Variants in LRRIQ3 observed in about 807,000 individuals in gnomAD.
LRRIQ3 encodes leucine rich repeats and IQ motif containing 3.
A neutral mutation model predicts 59.3 loss-of-function variants in LRRIQ3; 75 were observed. That is an observed-to-expected ratio of 1.26 (90% CI 1.05 to 1.53). The LOEUF is 1.53. Ranked by LOEUF, LRRIQ3 falls within the 40% of genes most tolerant of loss-of-function variation. The pLI is 0.00. For synonymous variants in LRRIQ3, 250 were observed against 231.3 expected, an observed-to-expected ratio of 1.08 and a Z score of -0.73; for missense variants, 831 against 710.0, an observed-to-expected ratio of 1.17 and a Z score of -1.94.
At chr1:74,081,805 G>T (rs1570083824) in intron 5 of LRRIQ3, 1 of 151,284 alleles carries the variant, frequency 6.6e-6, no homozygotes. Flanking sequence ...TTTATCTAAA[G>T]ATCTCATTTT....
chr1:74,027,532 A>G (rs1386211905), intron 7 of LRRIQ3, among the ~76,000 whole-genome samples: 1 of 152,096 alleles, frequency 6.6e-6, no homozygotes, highest in Non-Finnish European at 1.5e-5. Context: ...TCTGCAAGCC[A>G]AGGAGAGAGG....
chr1:74,125,392 G>A (rs1425283626), intron 4 of LRRIQ3, among the ~76,000 whole-genome samples: 1 of 151,906 alleles, frequency 6.6e-6, no homozygotes, highest in Admixed American at 6.6e-5. Flanking sequence ...CAAGTACTAT[G>A]TTGAATAACA....
At chr1:74,101,426 T>A (rs1264132863) in intron 5 of LRRIQ3, among the ~76,000 whole-genome samples, 1 of 152,122 alleles carries the variant, frequency 6.6e-6, no homozygotes, top group Admixed American at 6.6e-5. Context: ...CCAGAGAGGA[T>A]GTGGAGAAAT....
At chr1:74,068,978 C>T (rs768662931) in intron 6 of LRRIQ3, among the ~76,000 whole-genome samples, 6 of 151,924 alleles carry the variant, frequency 3.9e-5, no homozygotes, top group Non-Finnish European at 7.4e-5. Context: ...TTAGAGTATT[C>T]GTTTCAGATA....
At chr1:74,035,341 AT>A (rs1393347049) in intron 7 of LRRIQ3, among the ~76,000 whole-genome samples, 5 of 152,126 alleles carry the variant, frequency 3.3e-5, no homozygotes, top group African/African-American at 1.2e-4. Flanking sequence ...TTGAATTCTC[AT>A]AACTGATTTA....
intron 4 of LRRIQ3, among the ~76,000 whole-genome samples, chr1:74,136,284 G>A (rs150548707): frequency 6.6e-6 from 1 of 151,992 alleles, no homozygotes; most frequent in African/African-American, 2.4e-5. Flanking sequence ...TGGCTTCACT[G>A]GTGAATTTTA....
intron 5 of LRRIQ3, among the ~76,000 whole-genome samples, chr1:74,093,448 T>A (rs546043689): frequency 6.6e-6 from 1 of 152,216 alleles, no homozygotes; most frequent in South Asian, 2.1e-4. Flanking sequence ...ATTATAGGTA[T>A]GCTGTTTCTA....
intron 5 of LRRIQ3, among the ~76,000 whole-genome samples, chr1:74,099,394 T>C (rs1410535978): frequency 5.9e-5 from 9 of 152,160 alleles, no homozygotes; most frequent in African/African-American, 2.2e-4. Context: ...TAACAGGCTC[T>C]GAAATTGAGG....
chr1:74,095,448 A>C (rs1376806238), intron 5 of LRRIQ3, among the ~76,000 whole-genome samples: 3 of 152,164 alleles, frequency 2.0e-5, no homozygotes, highest in Non-Finnish European at 4.4e-5. Context: ...ATACATATCC[A>C]TAACATGTAT....
intron 4 of LRRIQ3, among the ~76,000 whole-genome samples, chr1:74,121,076 T>G (rs185735744): frequency 6.6e-6 from 1 of 152,170 alleles, no homozygotes; most frequent in African/African-American, 2.4e-5. Flanking sequence ...ACTTTTCCTA[T>G]GTGCAGGAAT....
chr1:74,029,799 T>C (rs1292007700), intron 7 of LRRIQ3, among the ~76,000 whole-genome samples: 1 of 152,116 alleles, frequency 6.6e-6, no homozygotes, highest in East Asian at 1.9e-4. Context: ...GTACCTCTGG[T>C]AGAATTCGGC....
At chr1:74,098,454 G>C (rs111529549) in intron 5 of LRRIQ3, among the ~76,000 whole-genome samples, 3,297 of 152,120 alleles carry the variant, frequency 0.022, 117 homozygotes, top group African/African-American at 0.075. Context: ...CAAAAATAAT[G>C]TGAGACTTTA....
chr1:74,066,139 T>A (rs1226231126), intron 6 of LRRIQ3, among the ~76,000 whole-genome samples: 1 of 147,048 alleles, frequency 6.8e-6, no homozygotes, highest in Non-Finnish European at 1.5e-5. Flanking sequence ...TGAGCCAAGA[T>A]CATGCCATTG....
chr1:74,116,223 A>G (rs1646774766), intron 4 of LRRIQ3, among the ~76,000 whole-genome samples: 1 of 152,034 alleles, frequency 6.6e-6, no homozygotes, highest in African/African-American at 2.4e-5. Context: ...ATAAAAATCC[A>G]TACACTGCCC....
intron 6 of LRRIQ3, among the ~76,000 whole-genome samples, chr1:74,071,768 G>T (rs1361378169): frequency 1.3e-5 from 2 of 152,052 alleles, no homozygotes; most frequent in Non-Finnish European, 2.9e-5. Context: ...AGACTGAAAG[G>T]CACTGTTATA....
intron 3 of LRRIQ3, among the ~76,000 whole-genome samples, chr1:74,177,328 C>T (rs1430627202): frequency 6.6e-6 from 1 of 152,108 alleles, no homozygotes; most frequent in Non-Finnish European, 1.5e-5. Context: ...CCAAGTTCTT[C>T]AGTTTTGAGA....
At chr1:74,072,641 A>T (rs1316547133) in intron 6 of LRRIQ3, among the ~76,000 whole-genome samples, 1 of 152,074 alleles carries the variant, frequency 6.6e-6, no homozygotes, top group Non-Finnish European at 1.5e-5. Flanking sequence ...GAGATGATCC[A>T]TATGGTGGGG....
intron 5 of LRRIQ3, among the ~76,000 whole-genome samples, chr1:74,093,953 A>AAAGTT (rs1267733717): frequency 6.6e-6 from 1 of 152,030 alleles, no homozygotes; most frequent in East Asian, 1.9e-4. Flanking sequence ...CCATAGACTG[A>AAAGTT]CTGGCTTAAA....
intron 4 of LRRIQ3, among the ~76,000 whole-genome samples, chr1:74,133,900 A>G (rs1006377549): frequency 6.6e-6 from 1 of 151,886 alleles, no homozygotes; most frequent in African/African-American, 2.4e-5. Context: ...ACCAAAAAAA[A>G]TCTCTACACT....
Sources: gnomAD v4.1 joint callset for allele counts (sites outside exome capture counted in the v4.1 genomes callset) on GRCh38, gnomAD v4.1.1 for gene constraint, MANE v1.5 for transcripts, NCBI Gene and HGNC (gene_info 2026-07-23, HGNC 2026-07-21) for gene names.